The following LRP1B variants were observed in gnomAD, a reference collection of about 807,000 sequenced individuals.
LRP1B encodes the protein LDL receptor related protein 1B, also known as low-density lipoprotein receptor-related protein 1B.
Under a neutral mutation model 556.6 loss-of-function variants are expected in LRP1B, and 217 were observed. The ratio of observed to expected loss-of-function variants is 0.39; its 90% confidence interval spans 0.35 to 0.44. The LOEUF is 0.44. Ranked by LOEUF, LRP1B falls within the 20% of genes least tolerant of loss-of-function variation. The probability of loss-of-function intolerance (pLI) is 1.00; values close to 1 mark genes in which losing one functional copy is unlikely to be tolerated. For missense variants in LRP1B, 5,053 were observed against 5,620.8 expected, an observed-to-expected ratio of 0.90 and a Z score of 3.23; for synonymous variants, 2,047 against 1,865.8, an observed-to-expected ratio of 1.10 and a Z score of -2.50.
intron 7 of LRP1B, among the ~76,000 whole-genome samples, chr2:141,144,745 T>C (rs1340655827): frequency 1.3e-5 from 2 of 152,178 alleles, no homozygotes; most frequent in Non-Finnish European, 2.9e-5. Context: ...AAAGTCACCA[T>C]CTGGCATAAC....
At chr2:140,436,806 T>C (rs1321193577) in intron 66 of LRP1B, among the ~76,000 whole-genome samples, 1 of 152,090 alleles carries the variant, frequency 6.6e-6, no homozygotes, top group Non-Finnish European at 1.5e-5. Flanking sequence ...TCAAGACAGA[T>C]TGATATGGGA....
chr2:140,792,326 G>A (rs1003881770), intron 32 of LRP1B, among the ~76,000 whole-genome samples: 7 of 151,984 alleles, frequency 4.6e-5, no homozygotes, highest in South Asian at 2.1e-4. Flanking sequence ...AACCTAAGAG[G>A]GTAGAGGAAA....
intron 3 of LRP1B, among the ~76,000 whole-genome samples, chr2:141,335,735 C>T (rs1687824913): frequency 6.6e-6 from 1 of 151,980 alleles, no homozygotes; most frequent in Admixed American, 6.6e-5. Context: ...AGGAAGGCAA[C>T]ATGAACAGTG....
chr2:142,130,777 C>T lies in LRP1B; in HGVS notation c.-48G>A, dbSNP rs368995606. 1.0e-3 allele frequency: 1,580 copies of T among 1,538,390 alleles called. 10 individuals are homozygous for T. The highest frequency in any genetic ancestry group is 2.1e-3 in the South Asian group (182 of 86,924). ...CTGCGCTGGAGACTGCTCGGCGGCA[C>T]CTTCGGCCCGGCGGCGGCGGCGGCG... On this transcript the variant is annotated 5_prime_UTR_variant, in exon 1 of 91. It adds an upstream start codon to the 5' untranslated region. Transcript: ENST00000389484.
At chr2:141,278,867 T>C (rs540684012) in intron 3 of LRP1B, among the ~76,000 whole-genome samples, 4 of 152,280 alleles carry the variant, frequency 2.6e-5, no homozygotes, top group African/African-American at 9.6e-5. Context: ...CTATTATCTG[T>C]CTCTGGCCAA....
At chr2:140,595,280 C>T (rs1298114872) in intron 43 of LRP1B, among the ~76,000 whole-genome samples, 1 of 151,646 alleles carries the variant, frequency 6.6e-6, no homozygotes, top group Non-Finnish European at 1.5e-5. Context: ...CCTGTGAACA[C>T]TGGCATGTGT....
intron 41 of LRP1B, among the ~76,000 whole-genome samples, chr2:140,667,427 T>C (rs1396740802): frequency 6.6e-6 from 1 of 152,160 alleles, no homozygotes; most frequent in Non-Finnish European, 1.5e-5. Context: ...CTAGGTTTGC[T>C]AAGGCTCCAA....
At chr2:140,477,456 A>G (rs1688020625) in intron 59 of LRP1B, among the ~76,000 whole-genome samples, 1 of 152,172 alleles carries the variant, frequency 6.6e-6, no homozygotes, top group Non-Finnish European at 1.5e-5. Context: ...AGAGAGTGCC[A>G]TCATAGTTCT....
chr2:141,255,266 G>A (rs430182), intron 3 of LRP1B, among the ~76,000 whole-genome samples: 32,180 of 151,692 alleles, frequency 0.21, 3,507 homozygotes, highest in South Asian at 0.25. Flanking sequence ...ACAAACAATC[G>A]CTAACAGAAA....
At chr2:142,130,540 G>C (rs1707813323) in intron 1 of LRP1B, 108 bp downstream of exon 1, 1 of 910,796 alleles carries the variant, frequency 1.1e-6, no homozygotes, top group East Asian at 2.7e-5. Flanking sequence ...CCGGTCCCGG[G>C]GAGCGGAGCT....
At chr2:141,138,099 C>T (rs760976979) in intron 7 of LRP1B, among the ~76,000 whole-genome samples, 1 of 151,778 alleles carries the variant, frequency 6.6e-6, no homozygotes, top group Non-Finnish European at 1.5e-5. Flanking sequence ...CATTAATAAG[C>T]GGTGGTGTTT....
chr2:142,042,558 T>C (rs1049345628), intron 1 of LRP1B, among the ~76,000 whole-genome samples: 1 of 151,536 alleles, frequency 6.6e-6, no homozygotes, highest in Admixed American at 6.6e-5. Flanking sequence ...CTTTTTTTGA[T>C]TTAACTGTTT....
At chr2:141,232,457 A>G (rs1683506413) in intron 5 of LRP1B, among the ~76,000 whole-genome samples, 1 of 152,220 alleles carries the variant, frequency 6.6e-6, no homozygotes, top group African/African-American at 2.4e-5. Flanking sequence ...TTGGCTAGCT[A>G]CTAGTCAGTA....
At chr2:141,951,119 T>C (rs961098422) in intron 1 of LRP1B, among the ~76,000 whole-genome samples, 1 of 152,134 alleles carries the variant, frequency 6.6e-6, no homozygotes, top group East Asian at 1.9e-4. Flanking sequence ...TAAGAGTATG[T>C]TCATATTTTT....
chr2:141,488,976 T>G (rs79144401), intron 2 of LRP1B, among the ~76,000 whole-genome samples: 27,677 of 149,654 alleles, frequency 0.18, 3,969 homozygotes, highest in African/African-American at 0.41. Flanking sequence ...TTTTTTTTTG[T>G]TTGTTTGTTT....
At chr2:141,630,612 A>G (rs1316011328) in intron 2 of LRP1B, among the ~76,000 whole-genome samples, 1 of 152,186 alleles carries the variant, frequency 6.6e-6, no homozygotes, top group African/African-American at 2.4e-5. Flanking sequence ...AGAAAAAGTC[A>G]CGACAGATGG....
chr2:141,757,231 C>T (rs565420208), intron 2 of LRP1B, among the ~76,000 whole-genome samples: 13 of 152,150 alleles, frequency 8.5e-5, no homozygotes, highest in African/African-American at 2.9e-4. Context: ...CTCTTCTTAT[C>T]GATTTCAAAT....
At chr2:141,010,770 C>A (rs561054511) in intron 14 of LRP1B, among the ~76,000 whole-genome samples, 38 of 151,982 alleles carry the variant, frequency 2.5e-4, no homozygotes, top group Non-Finnish European at 4.7e-4. Context: ...CCCACCTCAG[C>A]CTGCCGAAGT....
intron 1 of LRP1B, among the ~76,000 whole-genome samples, chr2:141,831,567 T>C (rs1005566437): frequency 2.0e-5 from 3 of 151,658 alleles, no homozygotes; most frequent in African/African-American, 7.2e-5. Flanking sequence ...CATTCTATAC[T>C]GAATATATAA....
Sources: allele counts gnomAD v4.1 joint callset (sites outside exome capture counted in the v4.1 genomes callset), GRCh38; gene constraint gnomAD v4.1.1; transcripts MANE v1.5; gene names NCBI Gene and HGNC (gene_info 2026-07-23, HGNC 2026-07-21).